Variants in THSD4 observed in about 807,000 individuals in gnomAD.
The protein encoded by THSD4 is thrombospondin type 1 domain containing 4.
Under a neutral mutation model 119.0 loss-of-function variants are expected in THSD4, and 69 were observed. That is an observed-to-expected ratio of 0.58 (90% confidence interval 0.48 to 0.71). THSD4 has a LOEUF of 0.71. Ranked by LOEUF, THSD4 falls within the 30% of genes least tolerant of loss-of-function variation. The probability of loss-of-function intolerance (pLI) is 0.00; values close to 1 mark genes in which losing one functional copy is unlikely to be tolerated. For synonymous variants in THSD4, 524 were observed against 540.4 expected, an observed-to-expected ratio of 0.97 and a Z score of 0.42; for missense variants, 1,393 against 1,391.1, an observed-to-expected ratio of 1.00 and a Z score of -0.02.
intron 6 of THSD4, among the ~76,000 whole-genome samples, chr15:71,307,189 C>G (rs1355228352): frequency 6.6e-6 from 1 of 152,184 alleles, no homozygotes; most frequent in Non-Finnish European, 1.5e-5. Flanking sequence ...TGAACACCTC[C>G]TCACTAGCCA....
At chr15:71,629,278 G>T (rs950666) in intron 7 of THSD4, among the ~76,000 whole-genome samples, 1 of 152,130 alleles carries the variant, frequency 6.6e-6, no homozygotes, top group Non-Finnish European at 1.5e-5. Context: ...ACAGCCTTCA[G>T]GTCTCCCAGC....
At chr15:71,266,423 A>G (rs1206932985) in intron 6 of THSD4, among the ~76,000 whole-genome samples, 1 of 152,182 alleles carries the variant, frequency 6.6e-6, no homozygotes, top group Non-Finnish European at 1.5e-5. Flanking sequence ...AACATCAACA[A>G]AAAGGACGTC....
At chr15:71,382,958 A>AT (rs2046246438) in intron 6 of THSD4, among the ~76,000 whole-genome samples, 1 of 152,248 alleles carries the variant, frequency 6.6e-6, no homozygotes. Context: ...ACTTTAAGAC[A>AT]TTAAGTTACT....
intron 6 of THSD4, among the ~76,000 whole-genome samples, chr15:71,311,951 T>C (rs2045116806): frequency 6.6e-6 from 1 of 152,142 alleles, no homozygotes; most frequent in South Asian, 2.1e-4. Flanking sequence ...CTTTCCCTCC[T>C]GCCAACCCCT....
At chr15:71,532,287 T>G (rs7168155) in intron 7 of THSD4, among the ~76,000 whole-genome samples, 1 of 62,056 alleles carries the variant, frequency 1.6e-5, no homozygotes, top group East Asian at 3.1e-4. Flanking sequence ...AGAGAGAGTG[T>G]GTGTGTGTGT....
At chr15:71,590,515 A>G (rs2049774795) in intron 7 of THSD4, among the ~76,000 whole-genome samples, 2 of 115,676 alleles carry the variant, frequency 1.7e-5, no homozygotes, top group Admixed American at 1.9e-4. Flanking sequence ...TGATGAGAAC[A>G]CATGGACACA....
chr15:71,670,642 C>A (rs1471176248), intron 8 of THSD4, among the ~76,000 whole-genome samples: 1 of 151,886 alleles, frequency 6.6e-6, no homozygotes, highest in Non-Finnish European at 1.5e-5. Context: ...TGCTATCCCT[C>A]CCCCATCCCC....
At chr15:71,739,477 C>T (rs11636943) in intron 11 of THSD4, among the ~76,000 whole-genome samples, 92,892 of 151,996 alleles carry the variant, frequency 0.61, 30,096 homozygotes, top group East Asian at 0.8. Context: ...ACCCAGGGTC[C>T]CGTTTCCTTG....
intron 7 of THSD4, among the ~76,000 whole-genome samples, chr15:71,455,648 C>T (rs182669102): frequency 4.8e-4 from 73 of 152,222 alleles, no homozygotes; most frequent in African/African-American, 1.7e-3. Flanking sequence ...GACACCAGGC[C>T]TAGTGTGAAA....
intron 6 of THSD4, among the ~76,000 whole-genome samples, chr15:71,291,063 C>A (rs2044785611): frequency 6.6e-6 from 1 of 151,984 alleles, no homozygotes; most frequent in Non-Finnish European, 1.5e-5. Flanking sequence ...TTAGGATATT[C>A]CTTCTTGACT....
At chr15:71,632,242 T>C (rs2050645280) in intron 7 of THSD4, among the ~76,000 whole-genome samples, 1 of 152,180 alleles carries the variant, frequency 6.6e-6, no homozygotes, top group South Asian at 2.1e-4. Context: ...CTTCTTCCCA[T>C]CTCTGTTGGC....
chr15:71,676,426 C>T (rs2051652401), intron 8 of THSD4, among the ~76,000 whole-genome samples: 2 of 152,092 alleles, frequency 1.3e-5, no homozygotes, highest in South Asian at 4.1e-4. Context: ...GGACTACAGG[C>T]ATGCACCACC....
At chr15:71,157,519 T>C (rs1186797833) in intron 3 of THSD4, among the ~76,000 whole-genome samples, 1 of 152,000 alleles carries the variant, frequency 6.6e-6, no homozygotes, top group East Asian at 1.9e-4. Context: ...CTGTTAACCA[T>C]CATCAACCTA....
At chr15:71,609,446 C>T (rs2050177421) in intron 7 of THSD4, among the ~76,000 whole-genome samples, 1 of 152,146 alleles carries the variant, frequency 6.6e-6, no homozygotes, top group Non-Finnish European at 1.5e-5. Flanking sequence ...GCCAGGGTCA[C>T]CTCTTGATTT....
chr15:71,458,315 A>G (rs1164119493), intron 7 of THSD4, among the ~76,000 whole-genome samples: 1 of 152,214 alleles, frequency 6.6e-6, no homozygotes, highest in Admixed American at 6.5e-5. Flanking sequence ...ACACTGTGGA[A>G]AGAGCCTGGG....
At chr15:71,169,185 G>A (rs1188846964) in intron 3 of THSD4, among the ~76,000 whole-genome samples, 4 of 152,334 alleles carry the variant, frequency 2.6e-5, no homozygotes, top group African/African-American at 9.6e-5. Context: ...ATAAGCATAT[G>A]AAAAGGTAGT....
intron 7 of THSD4, among the ~76,000 whole-genome samples, chr15:71,467,488 G>T (rs1181884261): frequency 1.3e-5 from 2 of 152,196 alleles, no homozygotes; most frequent in East Asian, 3.9e-4. Context: ...TAAACTGGGG[G>T]AATCTCAGCA....
intron 6 of THSD4, among the ~76,000 whole-genome samples, chr15:71,353,117 G>A (rs990570260): frequency 2.6e-5 from 4 of 152,178 alleles, no homozygotes; most frequent in Admixed American, 2.6e-4. Context: ...GCTTCATGTA[G>A]TGATCATGCA....
chr15:71,758,133 G>C, intron 15 of THSD4, 58 bp downstream of exon 15: 1 of 1,502,068 alleles, frequency 6.7e-7, no homozygotes, highest in Non-Finnish European at 8.9e-7. Context: ...GCATACCAGA[G>C]GGGTTAGGAA....
Sources: allele counts gnomAD v4.1 joint callset (sites outside exome capture counted in the v4.1 genomes callset), GRCh38; gene constraint gnomAD v4.1.1; transcripts MANE v1.5; gene names NCBI Gene and HGNC (gene_info 2026-07-23, HGNC 2026-07-21).